The following FBXO47 variants were observed in gnomAD, a reference collection of about 807,000 sequenced individuals.
FBXO47 encodes F-box protein 47, also known as F-box only protein 47.
A neutral mutation model predicts 53.9 loss-of-function variants in FBXO47; 34 were observed. The observed-to-expected ratio is 0.63, with a 90% CI of 0.48 to 0.84. The LOEUF (loss-of-function observed/expected upper bound fraction) is 0.84, where lower values mean the gene tolerates loss of function less well. Ranked by LOEUF, FBXO47 falls within the 40% of genes least tolerant of loss-of-function variation. FBXO47 has a pLI of 0.00. For missense variants in FBXO47, 485 were observed against 541.3 expected (o/e 0.90, Z 1.03); for synonymous variants, 165 against 181.6 (o/e 0.91, Z 0.73).
chr17:38,957,892 G>GGCGT (rs1162455242), intron 3 of FBXO47, among the ~76,000 whole-genome samples: 2 of 151,664 alleles, frequency 1.3e-5, no homozygotes, highest in African/African-American at 2.4e-5. Context: ...GAAGTGCAGT[G>GGCGT]GCGTGATCTC....
intron 7 of FBXO47, 121 bp downstream of exon 7, chr17:38,944,839 C>T (rs145778800): frequency 3.8e-5 from 16 of 421,554 alleles, no homozygotes; most frequent in Middle Eastern, 1.4e-3. Context: ...CCACTGTGTG[C>T]GTGCATGCAT....
chr17:38,964,115 GAATAAATACATGAATAGT>G (rs1567723921), intron 1 of FBXO47, among the ~76,000 whole-genome samples: 2 of 152,108 alleles, frequency 1.3e-5, no homozygotes, highest in Non-Finnish European at 2.9e-5. Flanking sequence ...AATAAGACTA[GAATAAATACATGAATAGT>G]AATAATTCTT....
intron 3 of FBXO47, among the ~76,000 whole-genome samples, chr17:38,957,629 T>C (rs1905614685): frequency 6.6e-6 from 1 of 152,000 alleles, no homozygotes; most frequent in African/African-American, 2.4e-5. Flanking sequence ...ATTAACCTCA[T>C]GTCCACAAAG....
intron 9 of FBXO47, 130 bp downstream of exon 9, chr17:38,942,648 T>C: frequency 1.7e-6 from 1 of 590,152 alleles, no homozygotes; most frequent in Non-Finnish European, 2.8e-6. Context: ...AAAAGAAACA[T>C]TAAAAATATA....
intron 7 of FBXO47, among the ~76,000 whole-genome samples, chr17:38,944,482 C>A (rs993026711): frequency 3.3e-5 from 5 of 151,460 alleles, no homozygotes; most frequent in Non-Finnish European, 7.4e-5. Context: ...GTGGGAAGAT[C>A]ACAAGGTCAG....
intron 6 of FBXO47, among the ~76,000 whole-genome samples, chr17:38,945,944 A>ATAT (rs1325780000): frequency 2.2e-5 from 3 of 134,552 alleles, no homozygotes; most frequent in East Asian, 4.6e-4. Context: ...TCAAAAAAAA[A>ATAT]AAAAATATAT....
intron 6 of FBXO47, among the ~76,000 whole-genome samples, chr17:38,946,295 A>T (rs1190133638): frequency 4.6e-4 from 35 of 76,666 alleles, no homozygotes; most frequent in Non-Finnish European, 5.6e-4. Flanking sequence ...TAAATATATA[A>T]AAATATATAT....
intron 1 of FBXO47, among the ~76,000 whole-genome samples, chr17:38,964,538 G>A (rs1905992652): frequency 6.6e-6 from 1 of 152,092 alleles, no homozygotes; most frequent in African/African-American, 2.4e-5. Context: ...GGAGGTTGCT[G>A]TGAGCCCAGC....
At chr17:38,952,421 T>C (rs1019152240) in intron 5 of FBXO47, among the ~76,000 whole-genome samples, 1 of 152,180 alleles carries the variant, frequency 6.6e-6, no homozygotes, top group Non-Finnish European at 1.5e-5. Context: ...TTACCCATTA[T>C]GGAACAATCA....
At chr17:38,945,412 A>G (rs1904709300) in intron 6 of FBXO47, among the ~76,000 whole-genome samples, 1 of 152,126 alleles carries the variant, frequency 6.6e-6, no homozygotes, top group South Asian at 2.1e-4. Flanking sequence ...CTCTTGTACA[A>G]TTTTGGATTT....
intron 3 of FBXO47, among the ~76,000 whole-genome samples, chr17:38,960,628 C>A (rs975792291): frequency 6.8e-6 from 1 of 147,374 alleles, no homozygotes; most frequent in African/African-American, 2.5e-5. Flanking sequence ...ATAATTCTTT[C>A]TCTTTTTTTT....
chr17:38,947,061 AATAT>A (rs1391669277), intron 6 of FBXO47, among the ~76,000 whole-genome samples: 1 of 136,602 alleles, frequency 7.3e-6, no homozygotes, highest in African/African-American at 2.8e-5. Context: ...AACATATATA[AATAT>A]ATATAAACAT....
At chr17:38,945,211 CT>C (rs1442380480) in intron 6 of FBXO47, 75 bp from the exon 7 acceptor site, 1 of 1,045,652 alleles carries the variant, frequency 9.6e-7, no homozygotes, top group Non-Finnish European at 1.5e-6. Flanking sequence ...ATCAAAGCAA[CT>C]TATTAATCAT....
rs551632303 is a variant in FBXO47, at chr17:38,965,324, T to C, written c.-27+1905A>G. On this transcript the variant is annotated intron_variant, in intron 1 of 10. Coordinates refer to ENST00000378079, the MANE Select transcript of FBXO47 (RefSeq NM_001008777.3). ...ACAACTAAGACATTTTCATCAAAGA[T>C]ATATAATTGTATCTGGCCAAAATGC... Among the ~76,000 whole-genome samples the C allele has an allele frequency of 9.2e-5, 14 of 152,334 alleles. No individual in the cohort carries two copies. The South Asian group carries it at 2.9e-3, about 32-fold the overall frequency.
chr17:38,966,569 C>T (rs1906141938), intron 1 of FBXO47, among the ~76,000 whole-genome samples: 1 of 152,210 alleles, frequency 6.6e-6, no homozygotes, highest in Non-Finnish European at 1.5e-5. Flanking sequence ...CTTCCTGTTT[C>T]TCTGAGAAAT....
intron 3 of FBXO47, among the ~76,000 whole-genome samples, chr17:38,958,154 A>AT (rs926576739): frequency 1.6e-4 from 24 of 151,950 alleles, no homozygotes; most frequent in Non-Finnish European, 2.1e-4. Flanking sequence ...TTTAAAAAAC[A>AT]TTTTTTTTGT....
intron 5 of FBXO47, 132 bp downstream of exon 5, chr17:38,954,724 C>A: frequency 1.8e-6 from 1 of 542,594 alleles, no homozygotes; most frequent in South Asian, 3.7e-5. Flanking sequence ...AATACATTCT[C>A]AAATCTTTAT....
chr17:38,950,270 A>G (rs1038173101), intron 6 of FBXO47, among the ~76,000 whole-genome samples: 1 of 151,782 alleles, frequency 6.6e-6, no homozygotes, highest in Non-Finnish European at 1.5e-5. Flanking sequence ...AGAATCATGT[A>G]ATATTTGTCC....
At chr17:38,957,330 C>T (rs1905603178) in intron 3 of FBXO47, 77 bp from the exon 4 acceptor site, 1 of 1,017,498 alleles carries the variant, frequency 9.8e-7, no homozygotes, top group East Asian at 2.4e-5. Flanking sequence ...AATAATGTTT[C>T]CTGAAAGTCA....
Sources: allele counts gnomAD v4.1 joint callset (sites outside exome capture counted in the v4.1 genomes callset), GRCh38; gene constraint gnomAD v4.1.1; transcripts MANE v1.5; gene names NCBI Gene and HGNC (gene_info 2026-07-23, HGNC 2026-07-21).